The following MMADHC variants were observed in gnomAD, a reference collection of about 807,000 sequenced individuals.
MMADHC encodes the protein cobalamin trafficking protein CblD.
Under a neutral mutation model 36.3 loss-of-function variants are expected in MMADHC, and 23 were observed. The observed-to-expected ratio is 0.63, with a 90% CI of 0.46 to 0.90. The LOEUF (loss-of-function observed/expected upper bound fraction) is 0.90. MMADHC is among the 40% of genes least tolerant of loss of function. The pLI is 0.00. For missense variants in MMADHC, 330 were observed against 348.0 expected (o/e 0.95, Z 0.41); for synonymous variants, 97 against 116.1 (o/e 0.84, Z 1.06).
chr2:149,577,663 AAAAG>A (rs368028985), intron 4 of MMADHC, among the ~76,000 whole-genome samples: 3 of 152,054 alleles, frequency 2.0e-5, no homozygotes, highest in Non-Finnish European at 4.4e-5. Context: ...GTCTCAAAAA[AAAAG>A]AAAGAAAAAA....
At chr2:149,572,404 A>G in intron 6 of MMADHC, 1 of 256,122 alleles carries the variant, frequency 3.9e-6, no homozygotes, top group Non-Finnish European at 7.9e-6. Context: ...TGAACTCACC[A>G]TCCTGTTGTA....
intron 2 of MMADHC, among the ~76,000 whole-genome samples, chr2:149,584,138 A>G (rs538479984): frequency 1.3e-4 from 20 of 152,314 alleles, no homozygotes; most frequent in African/African-American, 4.6e-4. Flanking sequence ...GTGTTTATAT[A>G]ATACAAATTT....
chr2:149,570,232 T>A, intron 7 of MMADHC, 64 bp from the exon 8 acceptor site: 4 of 1,361,290 alleles, frequency 2.9e-6, no homozygotes, highest in Non-Finnish European at 3.1e-6. Flanking sequence ...AATTTTTAGG[T>A]AAACATGAAC....
chr2:149,587,642 C>A (rs1002937622), intron 1 of MMADHC, 22 bp downstream of exon 1: 5 of 163,334 alleles, frequency 3.1e-5, no homozygotes, highest in Non-Finnish European at 6.8e-5. Flanking sequence ...GAGGGGCTAA[C>A]ATGGGCGGAA....
At chr2:149,578,257 T>C (rs1363399230) in intron 4 of MMADHC, among the ~76,000 whole-genome samples, 1 of 152,172 alleles carries the variant, frequency 6.6e-6, no homozygotes, top group Admixed American at 6.5e-5. Flanking sequence ...ACTTGAGAGA[T>C]AAAAGCGATG....
At chr2:149,573,994 T>G (rs1203961306) in intron 6 of MMADHC, among the ~76,000 whole-genome samples, 1 of 152,140 alleles carries the variant, frequency 6.6e-6, no homozygotes, top group Admixed American at 6.6e-5. Flanking sequence ...GAGAGCTAGG[T>G]GTGGTTCCAA....
intron 6 of MMADHC, among the ~76,000 whole-genome samples, chr2:149,571,642 T>C (rs1470559307): frequency 2.6e-5 from 4 of 151,810 alleles, no homozygotes; most frequent in Non-Finnish European, 5.9e-5. Flanking sequence ...TAGCCGGGTG[T>C]GGTGGCGGGC....
intron 2 of MMADHC, among the ~76,000 whole-genome samples, chr2:149,583,877 C>A (rs530795443): frequency 6.6e-6 from 1 of 152,222 alleles, no homozygotes; most frequent in East Asian, 1.9e-4. Context: ...TCTCTTCATT[C>A]TTTATACTGC....
At chr2:149,582,361 G>C (rs1328088824) in intron 2 of MMADHC, 90 bp from the exon 3 acceptor site, 1 of 1,378,128 alleles carries the variant, frequency 7.3e-7, no homozygotes, top group African/African-American at 1.4e-5. Context: ...ACACTGCAAG[G>C]TTCTTTTAAA....
chr2:149,571,649 G>A (rs940404871), intron 6 of MMADHC, among the ~76,000 whole-genome samples: 10 of 151,950 alleles, frequency 6.6e-5, no homozygotes, highest in South Asian at 4.2e-4. Flanking sequence ...GTGTGGTGGC[G>A]GGCGCCTGTA....
At chr2:149,573,484 G>C (rs1367274660) in intron 6 of MMADHC, among the ~76,000 whole-genome samples, 1 of 152,170 alleles carries the variant, frequency 6.6e-6, no homozygotes, top group Non-Finnish European at 1.5e-5. Flanking sequence ...CTATTTTACA[G>C]AATGAGGCGT....
chr2:149,571,135 G>C lies in MMADHC; in HGVS notation c.646C>G (p.Arg216Gly), dbSNP rs141093638. ...AAGTCAGCCCAATAACCCTCAGCTCGAAGAGCATAGCAAATTTCCTTAGCA... is the reference window on the plus strand; with the variant it reads ...AAGTCAGCCCAATAACCCTCAGCTCCAAGAGCATAGCAAATTTCCTTAGCA... The part of the protein sequence containing the change: ...NGAKEICYAL[R>G]AEGYWADFID... The change falls in exon 7 of 8, where the codon CGA becomes GGA. Residue 216 changes from arginine (R) to glycine (G), a missense_variant. By Grantham distance (125) the Arg-to-Gly change is moderately radical (BLOSUM62 -2). Coordinates refer to ENST00000303319, the MANE Select transcript of MMADHC (RefSeq NM_015702.3). The C allele has an allele frequency of 1.6e-3, 2,616 of 1,612,120 alleles. 10 individuals carry two copies. Among genetic ancestry groups the C allele is most frequent in the Non-Finnish European group, 1.7e-3 (2,011 of 1,178,754 alleles).
intron 6 of MMADHC, 138 bp downstream of exon 6, chr2:149,575,573 T>C (rs1002891983): frequency 2.3e-5 from 14 of 612,052 alleles, no homozygotes; most frequent in Non-Finnish European, 3.4e-5. Context: ...TCAAAAAAGA[T>C]GTAAGTCCTT....
intron 2 of MMADHC, among the ~76,000 whole-genome samples, chr2:149,584,737 A>T (rs1172607652): frequency 6.6e-6 from 1 of 152,152 alleles, no homozygotes; most frequent in Non-Finnish European, 1.5e-5. Flanking sequence ...TTCAAACCTT[A>T]CCCGTTAACC....
At chr2:149,574,835 T>A (rs908450084) in intron 6 of MMADHC, among the ~76,000 whole-genome samples, 25 of 152,168 alleles carry the variant, frequency 1.6e-4, no homozygotes, top group Admixed American at 1.5e-3. Flanking sequence ...AGGTATCACT[T>A]TGTCGCTCAG....
intron 2 of MMADHC, among the ~76,000 whole-genome samples, chr2:149,585,700 ACT>A (rs1682859682): frequency 6.6e-6 from 1 of 152,128 alleles, no homozygotes; most frequent in African/African-American, 2.4e-5. Flanking sequence ...ACCTGTCTAG[ACT>A]CTGAAACATG....
intron 1 of MMADHC, 86 bp from the exon 2 acceptor site, chr2:149,587,235 T>C: frequency 2.4e-6 from 2 of 839,444 alleles, no homozygotes; most frequent in South Asian, 2.9e-5. Context: ...TTCGAAGGTG[T>C]GTCGTCCACC....
intron 6 of MMADHC, chr2:149,572,454 T>C (rs1187551495): frequency 1.0e-5 from 2 of 196,960 alleles, no homozygotes; most frequent in Non-Finnish European, 2.2e-5. Context: ...TTAACTATTT[T>C]TGGACCCTGA....
intron 3 of MMADHC, among the ~76,000 whole-genome samples, chr2:149,580,594 C>T (rs1682780877): frequency 6.6e-6 from 1 of 152,182 alleles, no homozygotes; most frequent in Non-Finnish European, 1.5e-5. Flanking sequence ...AACTGCTATG[C>T]ATATTACTTA....
Sources: gnomAD v4.1 joint callset for allele counts (sites outside exome capture counted in the v4.1 genomes callset) on GRCh38, gnomAD v4.1.1 for gene constraint, MANE v1.5 for transcripts, NCBI Gene and HGNC (gene_info 2026-07-23, HGNC 2026-07-21) for gene names.